Variants in TMPRSS11D observed in about 807,000 individuals in gnomAD.
TMPRSS11D encodes transmembrane serine protease 11D, also known as transmembrane protease serine 11D.
A neutral mutation model predicts 44.4 loss-of-function variants in TMPRSS11D; 32 were observed. The ratio of observed to expected loss-of-function variants is 0.72; its 90% CI spans 0.54 to 0.97. TMPRSS11D has a LOEUF of 0.97. Ranked by LOEUF, TMPRSS11D falls within the 50% of genes least tolerant of loss-of-function variation. TMPRSS11D has a pLI of 0.00. For missense variants in TMPRSS11D, 446 were observed against 502.6 expected (o/e 0.89, Z 1.08); for synonymous variants, 179 against 177.9 (o/e 1.01, Z -0.05).
chr4:67,850,015 CAT>C (rs1171951293), intron 3 of TMPRSS11D, among the ~76,000 whole-genome samples: 1 of 152,088 alleles, frequency 6.6e-6, no homozygotes, highest in Admixed American at 6.5e-5. Context: ...CAAAGGGATA[CAT>C]ATGTAAGATT....
chr4:67,831,436 G>A (rs1717943159), intron 7 of TMPRSS11D, among the ~76,000 whole-genome samples: 1 of 151,952 alleles, frequency 6.6e-6, no homozygotes, highest in African/African-American at 2.4e-5. Context: ...AAGGATGTGG[G>A]GTGGCAAAAT....
rs1719167104 is a variant in TMPRSS11D, at chr4:67,875,534, TA to T, written c.8+8391del. 2.6e-5 allele frequency among the ~76,000 whole-genome samples: 4 copies of T among 152,220 alleles called. No homozygotes were observed. In the South Asian group the frequency reaches 8.3e-4, roughly 32 times the overall value. ...TTCCCCTGGAAGGTCTGTCTGCTCG[TA>T]TATTTATTACCTGTCTCCCCATCCG... On this transcript the variant is annotated intron_variant, in intron 1 of 9. Transcript: ENST00000283916.
rs1717660742 is a variant in TMPRSS11D, at chr4:67,822,246, C to T, written c.*91G>A. ...AACAAGATGTTAAATTAGGACATTT[C>T]TAGTTTCTTTTTCAGTTGAAATGTA... On this transcript the variant is annotated 3_prime_UTR_variant, in exon 10 of 10. Coordinates refer to ENST00000283916, the MANE Select transcript of TMPRSS11D (RefSeq NM_004262.3). 1 of 1,373,778 alleles carries T rather than the reference C, an allele frequency of 7.3e-7. No individual in the cohort carries two copies. The highest frequency in any genetic ancestry group is 1.0e-6 in the Non-Finnish European group (1 of 991,992). The allele number at this position is 1,373,778 out of a possible 1,614,324, so 85.1% of individuals were successfully genotyped here.
intron 3 of TMPRSS11D, among the ~76,000 whole-genome samples, chr4:67,850,465 C>T (rs1718475229): frequency 5.5e-5 from 8 of 144,810 alleles, no homozygotes; most frequent in Admixed American, 4.9e-4. Flanking sequence ...AAAAGGGTCC[C>T]GAGTTAGGAA....
intron 3 of TMPRSS11D, among the ~76,000 whole-genome samples, chr4:67,852,930 G>A (rs549861341): frequency 3.8e-4 from 57 of 151,638 alleles, no homozygotes; most frequent in African/African-American, 1.4e-3. Context: ...AATACATACA[G>A]GTATGTGGCA....
At chr4:67,864,790 C>T (rs2109693935) in intron 1 of TMPRSS11D, among the ~76,000 whole-genome samples, 1 of 151,874 alleles carries the variant, frequency 6.6e-6, no homozygotes, top group East Asian at 1.9e-4. Context: ...AAAGTTATTA[C>T]ATGATAACAG....
intron 3 of TMPRSS11D, among the ~76,000 whole-genome samples, chr4:67,844,974 C>T (rs932661841): frequency 1.3e-5 from 2 of 151,892 alleles, no homozygotes; most frequent in Non-Finnish European, 2.9e-5. Context: ...TGACTTTAAT[C>T]GAAGTAGAAA....
intron 7 of TMPRSS11D, among the ~76,000 whole-genome samples, chr4:67,829,701 T>C (rs1717898499): frequency 6.6e-6 from 1 of 151,970 alleles, no homozygotes; most frequent in Admixed American, 6.6e-5. Flanking sequence ...CATTGTAAAA[T>C]AGGCAAAGAA....
chr4:67,875,875 A>G (rs567609091), intron 1 of TMPRSS11D, among the ~76,000 whole-genome samples: 3 of 152,332 alleles, frequency 2.0e-5, no homozygotes, highest in South Asian at 2.1e-4. Flanking sequence ...TTTCTGCTGT[A>G]TCTCCCAAAG....
At chr4:67,847,604 T>C (rs972358436) in intron 3 of TMPRSS11D, among the ~76,000 whole-genome samples, 3 of 152,202 alleles carry the variant, frequency 2.0e-5, no homozygotes, top group African/African-American at 7.2e-5. Context: ...TATTACTGTC[T>C]ACCCTTCCCT....
At chr4:67,876,494 C>T (rs1338646918) in intron 1 of TMPRSS11D, among the ~76,000 whole-genome samples, 1 of 152,010 alleles carries the variant, frequency 6.6e-6, no homozygotes, top group African/African-American at 2.4e-5. Flanking sequence ...AGGTGTACGA[C>T]ATGATATATT....
chr4:67,839,567 G>T (rs1577810507), intron 4 of TMPRSS11D, among the ~76,000 whole-genome samples: 1 of 152,104 alleles, frequency 6.6e-6, no homozygotes, highest in East Asian at 1.9e-4. Flanking sequence ...CCTTGGGCCA[G>T]TGCAAAATAG....
intron 3 of TMPRSS11D, among the ~76,000 whole-genome samples, chr4:67,853,258 C>T (rs1393727406): frequency 1.3e-5 from 2 of 152,140 alleles, no homozygotes; most frequent in Non-Finnish European, 2.9e-5. Flanking sequence ...ACAGTGAGAA[C>T]AGTTAGAAGC....
At chr4:67,856,918 C>A (rs1397198592) in intron 2 of TMPRSS11D, among the ~76,000 whole-genome samples, 1 of 152,054 alleles carries the variant, frequency 6.6e-6, no homozygotes, top group East Asian at 1.9e-4. Flanking sequence ...AAACACAAAT[C>A]AAACCCACAA....
intron 9 of TMPRSS11D, among the ~76,000 whole-genome samples, chr4:67,824,523 G>A (rs1717743447): frequency 6.6e-6 from 1 of 151,990 alleles, no homozygotes; most frequent in Non-Finnish European, 1.5e-5. Flanking sequence ...GGGTTTCCTA[G>A]CACAGAGACA....
chr4:67,839,179 AT>A (rs1196147690), intron 4 of TMPRSS11D: 1 of 152,110 alleles, frequency 6.6e-6, no homozygotes, highest in Non-Finnish European at 1.5e-5. Context: ...TTTAATATTT[AT>A]TTTTAAAAAT....
chr4:67,843,895 C>T (rs1718296705), intron 3 of TMPRSS11D, among the ~76,000 whole-genome samples: 1 of 152,226 alleles, frequency 6.6e-6, no homozygotes, highest in Non-Finnish European at 1.5e-5. Context: ...TGTACTCCAG[C>T]CTGGGCTACA....
chr4:67,872,552 T>C (rs1719083784), intron 1 of TMPRSS11D, among the ~76,000 whole-genome samples: 1 of 152,234 alleles, frequency 6.6e-6, no homozygotes, highest in South Asian at 2.1e-4. Context: ...TCTGTACATA[T>C]ACTAGCGATC....
intron 8 of TMPRSS11D, among the ~76,000 whole-genome samples, chr4:67,826,439 C>G (rs1019965566): frequency 1.3e-5 from 2 of 152,050 alleles, no homozygotes; most frequent in South Asian, 2.1e-4. Flanking sequence ...TGGGTAAAAG[C>G]CCAGGGAAAT....
Sources: allele counts gnomAD v4.1 joint callset (sites outside exome capture counted in the v4.1 genomes callset), GRCh38; gene constraint gnomAD v4.1.1; transcripts MANE v1.5; gene names NCBI Gene and HGNC (gene_info 2026-07-23, HGNC 2026-07-21).